Variants in ZSCAN20 observed in about 807,000 individuals in gnomAD.
The protein encoded by ZSCAN20 is zinc finger and SCAN domain-containing protein 20.
ZSCAN20 carries 39 observed loss-of-function variants against 97.1 expected under a neutral mutation model. That is an observed-to-expected ratio of 0.40 (90% confidence interval 0.31 to 0.52). ZSCAN20 has a LOEUF of 0.52. Among genes scored for constraint, ZSCAN20 ranks in the 20% least tolerant of loss-of-function variants. The pLI is 0.49. For missense variants in ZSCAN20, 1,115 were observed against 1,290.4 expected, an observed-to-expected ratio of 0.86 and a Z score of 2.08; for synonymous variants, 456 against 467.3, an observed-to-expected ratio of 0.98 and a Z score of 0.31.
At chr1:33,476,707 G>A (rs775558174) in intron 1 of ZSCAN20, among the ~76,000 whole-genome samples, 1 of 152,214 alleles carries the variant, frequency 6.6e-6, no homozygotes, top group Non-Finnish European at 1.5e-5. Flanking sequence ...GCATCAATAA[G>A]GTTGTGGTTC....
chr1:33,494,169 A>G (rs201056255), intron 7 of ZSCAN20, 49 bp from the exon 8 acceptor site: 142 of 1,477,052 alleles, frequency 9.6e-5, no homozygotes, highest in African/African-American at 5.4e-4. Context: ...ACACACACAC[A>G]CGCGCGCTAA....
Position 33,489,613 on chromosome 1 carries a change from G to A in ZSCAN20, c.766+11G>A, listed in dbSNP as rs973046903. 24 of 1,612,160 alleles carry A rather than the reference G, an allele frequency of 1.5e-5. No homozygotes were observed. The highest frequency in any genetic ancestry group is 2.0e-5 in the Non-Finnish European group (24 of 1,178,386). On this transcript the variant is annotated intron_variant, in intron 5 of 7. Coordinates refer to ENST00000684572, the MANE Select transcript of ZSCAN20 (RefSeq NM_001377376.1). ...ACAGCGTGTGCCTGGGTAAGGAGACGTACCCTCTGAAGGTGATGTTGTCAT... is the reference window on the plus strand; with the variant it reads ...ACAGCGTGTGCCTGGGTAAGGAGACATACCCTCTGAAGGTGATGTTGTCAT...
In ZSCAN20 at chr1:33,479,470, A is replaced by T. The variant is rs1313078757; in HGVS notation, c.182A>T (p.Asp61Val). Residue 61 changes from aspartate (D) to valine (V), a missense_variant, in exon 2 of 8, where the codon GAT becomes GTT. Physicochemically the swap from Asp to Val is radical, Grantham distance 152 (BLOSUM62 -3). Coordinates refer to ENST00000684572, the MANE Select transcript of ZSCAN20 (RefSeq NM_001377376.1). Reference sequence around the variant, plus strand: ...CGCTTCAGGCAATTCCAATACAGGGATGCAGCTGGACCCCACGAGGCCTTC... The same window carrying T: ...CGCTTCAGGCAATTCCAATACAGGGTTGCAGCTGGACCCCACGAGGCCTTC... ...RQRFRQFQYR[D>V]AAGPHEAFSQ... 1 of 1,614,122 alleles carries T rather than the reference A, an allele frequency of 6.2e-7. No individual in the cohort carries two copies. Among genetic ancestry groups the T allele is most frequent in the South Asian group, 1.1e-5 (1 of 91,080 alleles).
chr1:33,486,182 G>A (rs1017382943), intron 2 of ZSCAN20, among the ~76,000 whole-genome samples: 2 of 152,194 alleles, frequency 1.3e-5, no homozygotes, highest in South Asian at 4.1e-4. Context: ...AGCATGAAGA[G>A]ATTTTTCTCT....
intron 1 of ZSCAN20, among the ~76,000 whole-genome samples, chr1:33,477,015 A>C (rs1328452789): frequency 1.3e-5 from 2 of 152,244 alleles, no homozygotes; most frequent in Non-Finnish European, 2.9e-5. Context: ...TTCTAGTAAT[A>C]TAGTATAATG....
chr1:33,483,089 T>G (rs1373822923), intron 2 of ZSCAN20, among the ~76,000 whole-genome samples: 1 of 152,226 alleles, frequency 6.6e-6, no homozygotes, highest in Non-Finnish European at 1.5e-5. Context: ...TTATCAATTA[T>G]TTCTTTCATG....
At chr1:33,481,709 G>T (rs1197773894) in intron 2 of ZSCAN20, among the ~76,000 whole-genome samples, 1 of 152,138 alleles carries the variant, frequency 6.6e-6, no homozygotes, top group African/African-American at 2.4e-5. Flanking sequence ...ACCTGAAAAA[G>T]GTTGGTGCCT....
intron 2 of ZSCAN20, among the ~76,000 whole-genome samples, chr1:33,484,746 C>T (rs1487758775): frequency 2.0e-5 from 3 of 151,776 alleles, no homozygotes; most frequent in Non-Finnish European, 4.4e-5. Flanking sequence ...CTCAGCCTCC[C>T]GAGTAGCTGG....
chr1:33,484,180 C>T (rs541806801), intron 2 of ZSCAN20, among the ~76,000 whole-genome samples: 5 of 152,230 alleles, frequency 3.3e-5, no homozygotes, highest in South Asian at 4.2e-4. Context: ...TCCCAATCTA[C>T]GTACCTTTTG....
intron 6 of ZSCAN20, chr1:33,492,442 C>G (rs575183546): frequency 2.0e-5 from 3 of 152,292 alleles, no homozygotes; most frequent in South Asian, 4.1e-4. Flanking sequence ...ATTTATGCCT[C>G]TAATCTTTAG....
chr1:33,489,566 C>A lies in ZSCAN20; in HGVS notation c.730C>A (p.Pro244Thr), dbSNP rs779498519. Residue 244 changes from proline (P) to threonine (T), a missense_variant, in exon 5 of 8, where the codon CCC becomes ACC. By Grantham distance (38) the Pro-to-Thr change is conservative (BLOSUM62 -1). Around this residue, in one of 3 missense-constraint regions of ZSCAN20, gnomAD observed 508 missense variants for 611.2 expected, o/e 0.83. Coordinates refer to ENST00000684572, the MANE Select transcript of ZSCAN20 (RefSeq NM_001377376.1). The part of the protein sequence containing the change: ...KHAEKELCKD[P>T]PGDDCGNSVC... ...TGCTGAGAAGGAGCTCTGTAAAGAC[C>A]CCCCAGGAGACGACTGTGGGAACAG... is the stretch of plus-strand genomic sequence containing the variant. The A allele has an allele frequency of 1.1e-5, 17 of 1,614,098 alleles. No homozygotes were observed. Among genetic ancestry groups the A allele is most frequent in the Non-Finnish European group, 1.4e-5 (17 of 1,180,006 alleles).
Position 33,479,229 on chromosome 1 carries a change from A to G in ZSCAN20, c.-60A>G, listed in dbSNP as rs2148448879. The G allele has an allele frequency of 6.6e-7, 1 of 1,514,166 alleles. No homozygotes were observed. Among genetic ancestry groups the G allele is most frequent in the East Asian group, 2.3e-5 (1 of 43,936 alleles). The allele number at this position is 1,514,166 out of a possible 1,614,324, so 93.8% of individuals were successfully genotyped here. A position where few individuals can be genotyped will look rare whatever the true frequency, so the allele number is the denominator to read the frequency against. Reference sequence around the variant, plus strand: ...AGGAGCCTCTTGAAGGACTCACCGTAGATGCAGGAAGACATTGGATGAGGT... The same window carrying G: ...AGGAGCCTCTTGAAGGACTCACCGTGGATGCAGGAAGACATTGGATGAGGT... On this transcript the variant is annotated 5_prime_UTR_variant, in exon 2 of 8. Coordinates refer to ENST00000684572, the MANE Select transcript of ZSCAN20 (RefSeq NM_001377376.1).
chr1:33,479,823 C>G, intron 2 of ZSCAN20, 118 bp downstream of exon 2: 1 of 1,110,836 alleles, frequency 9.0e-7, no homozygotes, highest in South Asian at 1.9e-5. Context: ...AGAACTGACA[C>G]TTATTGACCA....
chr1:33,474,165 TTCACACTGTAC>T (rs1651836204), intron 1 of ZSCAN20, among the ~76,000 whole-genome samples: 1 of 152,206 alleles, frequency 6.6e-6, no homozygotes, highest in Admixed American at 6.5e-5. Context: ...TCAGCACATA[TTCACACTGTAC>T]TCAGAGCCCT....
At chr1:33,476,272 A>G (rs1053815700) in intron 1 of ZSCAN20, among the ~76,000 whole-genome samples, 2 of 152,156 alleles carry the variant, frequency 1.3e-5, no homozygotes, top group African/African-American at 2.4e-5. Flanking sequence ...CTCTCCCCAC[A>G]ATAGCCTGCT....
rs1004894767 is a variant in ZSCAN20, at chr1:33,493,976, G to C, written c.1874-242G>C. ...TGTGGCTGCTGGGCTGAGCCCCATG[G>C]CTCACTTGGTGGGGTCACCATGTCC... On this transcript the variant is annotated intron_variant, in intron 7 of 7. Transcript: ENST00000684572. This position sits in a 1 kb window ranked among gnomAD's most constrained non-coding sequence, Gnocchi z 4.3. Among the ~76,000 whole-genome samples the C allele has an allele frequency of 1.3e-5, 2 of 152,226 alleles. No individual in the cohort carries two copies. Among genetic ancestry groups the C allele is most frequent in the African/African-American group, 4.8e-5 (2 of 41,460 alleles).
rs184300678 is a variant in ZSCAN20, at chr1:33,501,176, C to G, written c.*5700C>G. Among the ~76,000 whole-genome samples, 3 of 152,258 alleles carry G rather than the reference C, an allele frequency of 2.0e-5. No individual in the cohort carries two copies. The highest frequency in any genetic ancestry group is 3.9e-4 in the East Asian group (2 of 5,168). ...CACGTATGAGGTCGCCAACCCAACCCTGTTCCTGAAGTTTCCCAGAAATAG... is the reference window on the plus strand; with the variant it reads ...CACGTATGAGGTCGCCAACCCAACCGTGTTCCTGAAGTTTCCCAGAAATAG... On this transcript the variant is annotated 3_prime_UTR_variant, in exon 8 of 8. Transcript: ENST00000684572.
At chr1:33,489,372 C>T (rs1002948453) in intron 4 of ZSCAN20, 146 bp from the exon 5 acceptor site, 5 of 993,712 alleles carry the variant, frequency 5.0e-6, no homozygotes, top group Non-Finnish European at 7.6e-6. Flanking sequence ...CATGTATGTA[C>T]CAAATGGCCA....
In ZSCAN20 at chr1:33,495,511, T is replaced by C. The variant is rs201651765; in HGVS notation, c.*35T>C. The C allele has an allele frequency of 6.4e-4, 940 of 1,466,730 alleles. 2 individuals carry two copies. Among genetic ancestry groups the C allele is most frequent in the South Asian group, 1.5e-3 (89 of 60,844 alleles). The allele number at this position is 1,466,730 out of a possible 1,614,324, so 90.9% of individuals were successfully genotyped here. On this transcript the variant is annotated 3_prime_UTR_variant, in exon 8 of 8. Coordinates refer to ENST00000684572, the MANE Select transcript of ZSCAN20 (RefSeq NM_001377376.1). The stretch of plus-strand genomic sequence containing the variant: ...TCCTCAACAACAAAGGAGGACTCAA[T>C]GTATATATCTTATATCATAAGATGT...
Sources: gnomAD v4.1 joint callset for allele counts (sites outside exome capture counted in the v4.1 genomes callset) on GRCh38, gnomAD v4.1.1 for gene constraint, gnomAD v4.1.1 regional missense constraint, Gnocchi (gnomAD v3.1) non-coding constraint, MANE v1.5 for transcripts, NCBI Gene and HGNC (gene_info 2026-07-23, HGNC 2026-07-21) for gene names.